HIRA: variants seen among roughly 807,000 people sequenced by gnomAD.
HIRA encodes protein HIRA.
A neutral mutation model predicts 126.6 loss-of-function variants in HIRA; 13 were observed. The observed-to-expected ratio is 0.10, with a 90% CI of 0.07 to 0.16. HIRA has a LOEUF of 0.16. HIRA is among the 10% of genes least tolerant of loss of function. HIRA has a pLI of 1.00. For synonymous variants in HIRA, 511 were observed against 520.0 expected (o/e 0.98, Z 0.24); for missense variants, 834 against 1,314.4 (o/e 0.63, Z 5.65).
intron 24 of HIRA, among the ~76,000 whole-genome samples, chr22:19,334,806 T>C (rs1180044371): frequency 1.3e-5 from 2 of 152,168 alleles, no homozygotes; most frequent in African/African-American, 4.8e-5. Context: ...TTAATTCTAA[T>C]CTGATAATCT....
At chr22:19,337,157 C>T (rs1228706079) in intron 24 of HIRA, among the ~76,000 whole-genome samples, 57 of 151,316 alleles carry the variant, frequency 3.8e-4, no homozygotes, top group Non-Finnish European at 2.1e-4. Flanking sequence ...AGTGCAGTGG[C>T]GTGATCTCTG....
intron 1 of HIRA, among the ~76,000 whole-genome samples, chr22:19,420,543 A>G (rs899048613): frequency 6.6e-6 from 1 of 151,956 alleles, no homozygotes; most frequent in African/African-American, 2.4e-5. Flanking sequence ...AGTTTTGACG[A>G]AAGGCATTTC....
intron 5 of HIRA, chr22:19,399,239 C>T: frequency 2.6e-6 from 2 of 755,852 alleles, no homozygotes; most frequent in Non-Finnish European, 3.2e-6. Context: ...ACAAACATAG[C>T]AGCAAGGTAA....
chr22:19,420,462 C>CAA lies in HIRA; in HGVS notation c.38-9686_38-9685dup, dbSNP rs760003741. ...GCCTGGGCAACAAAAAAAACTGTCTCAAAAAAAAAAAAAAAAAAACCAAAC... is the reference window on the plus strand; with the variant it reads ...GCCTGGGCAACAAAAAAAACTGTCTCAAAAAAAAAAAAAAAAAAAAACCAAAC... On this transcript the variant is annotated intron_variant, in intron 1 of 24. Transcript: ENST00000263208. 6.4e-3 allele frequency among the ~76,000 whole-genome samples: 408 copies of CAA among 63,558 alleles called. 7 individuals carry two copies. Among genetic ancestry groups the CAA allele is most frequent in the African/African-American group, 0.016 (259 of 16,406 alleles). 41.7% of individuals were successfully genotyped at this position (63,558 alleles called of 152,430 possible).
rs111659452 is a variant in HIRA at position 19,372,681 on chromosome 22, C to T, written c.1775+2950G>A. Among the ~76,000 whole-genome samples the T allele has an allele frequency of 9.2e-4, 139 of 150,856 alleles. 2 individuals are homozygous for T. Among genetic ancestry groups the T allele is most frequent in the African/African-American group, 3.1e-3 (129 of 40,980 alleles). On this transcript the variant is annotated intron_variant, in intron 15 of 24. Coordinates refer to ENST00000263208, the MANE Select transcript of HIRA (RefSeq NM_003325.4). Reference sequence around the variant, plus strand: ...CTGTCCCCCGAGTTTAAGTGATTCTCTTGTCTCAGCCTACTGAGTAGCTGG... The same window carrying T: ...CTGTCCCCCGAGTTTAAGTGATTCTTTTGTCTCAGCCTACTGAGTAGCTGG...
intron 1 of HIRA, among the ~76,000 whole-genome samples, chr22:19,420,693 C>A (rs116020191): frequency 0.022 from 3,281 of 150,330 alleles, 110 homozygotes; most frequent in East Asian, 0.096. Context: ...CCATTCTGAG[C>A]GACAAAGTAA....
intron 1 of HIRA, chr22:19,430,002 G>A (rs1198978403): frequency 6.6e-6 from 1 of 152,214 alleles, no homozygotes; most frequent in African/African-American, 2.4e-5. Context: ...ATCAACAGGA[G>A]AAATGAAACT....
In HIRA at chr22:19,431,653, C is replaced by A; in HGVS notation, c.-177G>T. On this transcript the variant is annotated 5_prime_UTR_variant, in exon 1 of 25. Coordinates refer to ENST00000263208, the MANE Select transcript of HIRA (RefSeq NM_003325.4). Reference sequence around the variant, plus strand: ...CCGCGCCCCCCTCCGCCGCCACAGCCGCCACCCGCGCTCGGCCGCCGCCGC... The same window carrying A: ...CCGCGCCCCCCTCCGCCGCCACAGCAGCCACCCGCGCTCGGCCGCCGCCGC... The A allele has an allele frequency of 1.8e-6, 1 of 567,792 alleles. No individual in the cohort carries two copies. Among genetic ancestry groups the A allele is most frequent in the Non-Finnish European group, 2.4e-6 (1 of 413,264 alleles). The allele number at this position is 567,792 out of a possible 1,614,324, so 35.2% of individuals were successfully genotyped here.
Position 19,431,578 on chromosome 22 carries a change from T to TCCGGCCG in HIRA, c.-109_-103dup. On this transcript the variant is annotated 5_prime_UTR_variant, in exon 1 of 25. Coordinates refer to ENST00000263208, the MANE Select transcript of HIRA (RefSeq NM_003325.4). ...CCGCTTCCTCCCGCGCCACCCGCCC[T>TCCGGCCG]CCGGCCGCCGCCCGCCCCGCGCCCT... 1 of 951,618 alleles carries TCCGGCCG rather than the reference T, an allele frequency of 1.1e-6. No individual in the cohort carries two copies. The highest frequency in any genetic ancestry group is 1.2e-6 in the Non-Finnish European group (1 of 800,702). 58.9% of individuals were successfully genotyped at this position (951,618 alleles called of 1,614,324 possible). A position where few individuals can be genotyped will look rare whatever the true frequency, so the allele number is the denominator to read the frequency against.
At chr22:19,424,183 G>A (rs1049504894) in intron 1 of HIRA, among the ~76,000 whole-genome samples, 2 of 152,222 alleles carry the variant, frequency 1.3e-5, no homozygotes, top group African/African-American at 4.8e-5. Flanking sequence ...TTTTCCAGGA[G>A]CATATGCTCC....
At chr22:19,377,454 GGA>G in intron 14 of HIRA, among the ~76,000 whole-genome samples, 1 of 152,312 alleles carries the variant, frequency 6.6e-6, no homozygotes, top group East Asian at 1.9e-4. Flanking sequence ...GAGTATAAGG[GGA>G]GTCTGTGCCC....
chr22:19,372,436 T>C (rs1351290599), intron 15 of HIRA, among the ~76,000 whole-genome samples: 2 of 152,254 alleles, frequency 1.3e-5, no homozygotes, highest in Non-Finnish European at 2.9e-5. Context: ...ATTCGTCTTT[T>C]TATTGTTGAA....
rs373073180 is a variant in HIRA at position 19,401,536 on chromosome 22, C to T, written c.398-3449G>A. On this transcript the variant is annotated intron_variant, in intron 5 of 24. Coordinates refer to ENST00000263208, the MANE Select transcript of HIRA (RefSeq NM_003325.4). ...TGTCTACACAGTATGTCCATTTACA[C>T]TGGCAAACTTAACATATCCAAAACC... 6.7e-4 allele frequency among the ~76,000 whole-genome samples: 102 copies of T among 152,338 alleles called. 3 individuals carry two copies. The South Asian group carries it at 0.019, about 29-fold the overall frequency.
Position 19,331,380 on chromosome 22 carries a change from T to A in HIRA, c.*60A>T, listed in dbSNP as rs1556004532. 7 of 1,609,790 alleles carry A rather than the reference T, an allele frequency of 4.3e-6. No individual in the cohort carries two copies. The highest frequency in any genetic ancestry group is 5.9e-6 in the Non-Finnish European group (7 of 1,179,396). On this transcript the variant is annotated 3_prime_UTR_variant, in exon 25 of 25. Transcript: ENST00000263208. The stretch of plus-strand genomic sequence containing the variant: ...TGGTCAGGTGAGAGGCGGTCCTGCA[T>A]GTCATCAGCGGCGAGAGTGTGGCCC...
At chr22:19,380,459 C>T (rs1488503935) in intron 13 of HIRA, among the ~76,000 whole-genome samples, 2 of 152,144 alleles carry the variant, frequency 1.3e-5, no homozygotes, top group Non-Finnish European at 2.9e-5. Flanking sequence ...CTATCATATT[C>T]CACTGCACTA....
At position 19,396,832 on chromosome 22, in the gene HIRA, C is replaced by T. The variant is rs9618556; in HGVS notation, c.609G>A (p.Thr203=). 2,263 of 1,614,206 alleles carry T rather than the reference C, an allele frequency of 1.4e-3. 4 individuals are homozygous for T. The highest frequency in any genetic ancestry group is 9.9e-3 in the African/African-American group (740 of 75,058). The change falls in exon 7 of 25, where the codon ACG becomes ACA. Residue 203 remains threonine, a synonymous_variant. Transcript: ENST00000263208. ...ADDRSLKVWR[T]LDWQLETSIT... ...TGCTGGTCTCCAACTGCCAGTCCAGCGTCCTCCACACCTTTAGGCTGCGGT... is the reference window on the plus strand; with the variant it reads ...TGCTGGTCTCCAACTGCCAGTCCAGTGTCCTCCACACCTTTAGGCTGCGGT...
intron 1 of HIRA, among the ~76,000 whole-genome samples, chr22:19,422,171 T>TATACACACAC (rs1556028840): frequency 2.1e-5 from 3 of 143,134 alleles, no homozygotes; most frequent in Non-Finnish European, 4.5e-5. Context: ...TGTTTATATA[T>TATACACACAC]ACACACACAC....
At chr22:19,402,591 T>C (rs986752779) in intron 5 of HIRA, among the ~76,000 whole-genome samples, 1 of 152,232 alleles carries the variant, frequency 6.6e-6, no homozygotes, top group African/African-American at 2.4e-5. Context: ...AAGAGCTTTA[T>C]CCCCCTATGG....
chr22:19,378,015 C>T lies in HIRA; in HGVS notation c.1467G>A (p.Ala489=), dbSNP rs116388467. ...TGCTATGAGAAGAGAGCATGGTGCC[C>T]GCCAGGGAGCCCGAGAGGGGGATGC... ...FNSIPLSGSL[A]GTMLSSHSSP... The change falls in exon 14 of 25, where the codon GCG becomes GCA. Residue 489 remains alanine (A), a synonymous_variant. Transcript: ENST00000263208. The T allele has an allele frequency of 1.3e-3, 2,156 of 1,606,524 alleles. 43 individuals carry two copies. In the Admixed American group the frequency reaches 0.03, roughly 22 times the overall value.
Sources: allele counts gnomAD v4.1 joint callset (sites outside exome capture counted in the v4.1 genomes callset), GRCh38; gene constraint gnomAD v4.1.1; transcripts MANE v1.5; gene names NCBI Gene and HGNC (gene_info 2026-07-23, HGNC 2026-07-21).